Variants in GFPT1 observed in about 807,000 individuals in gnomAD.
GFPT1 encodes glutamine--fructose-6-phosphate transaminase 1.
In GFPT1, 40 loss-of-function variants were observed where a neutral mutation model predicts 92.0. The ratio of observed to expected loss-of-function variants is 0.43; its 90% CI spans 0.34 to 0.57. The LOEUF is 0.57. Ranked by LOEUF, GFPT1 falls within the 20% of genes least tolerant of loss-of-function variation. The pLI, the probability that GFPT1 is intolerant of heterozygous loss-of-function variation, is 0.02. For synonymous variants in GFPT1, 269 were observed against 280.6 expected, an observed-to-expected ratio of 0.96 and a Z score of 0.41; for missense variants, 448 against 869.1, an observed-to-expected ratio of 0.52 and a Z score of 6.09.
chr2:69,335,189 T>C (rs1255233771), intron 15 of GFPT1, among the ~76,000 whole-genome samples: 2 of 152,044 alleles, frequency 1.3e-5, no homozygotes, highest in Non-Finnish European at 2.9e-5. Context: ...GTATTTTTTA[T>C]AGAGATAAGG....
At chr2:69,378,302 G>A (rs1671928477) in intron 1 of GFPT1, among the ~76,000 whole-genome samples, 1 of 152,092 alleles carries the variant, frequency 6.6e-6, no homozygotes, top group Non-Finnish European at 1.5e-5. Flanking sequence ...CACTGCACCC[G>A]GCCTAAACTC....
chr2:69,326,563 C>G (rs981361381), intron 19 of GFPT1, among the ~76,000 whole-genome samples: 14 of 152,192 alleles, frequency 9.2e-5, no homozygotes, highest in African/African-American at 3.4e-4. Context: ...GCTGAGAAAC[C>G]AGGAATGCTA....
chr2:69,329,315 A>C lies in GFPT1; in HGVS notation c.1707T>G (p.Thr569=), dbSNP rs762692056. 6.2e-7 allele frequency: 1 copy of C among 1,613,866 alleles called. No individual in the cohort carries two copies. Among genetic ancestry groups the C allele is most frequent in the Non-Finnish European group, 8.5e-7 (1 of 1,179,752 alleles). ...LIMGRGYHYA[T]CLEGALKIKE... is the part of the protein sequence containing the mutation. The stretch of plus-strand genomic sequence containing the variant: ...AACTTACCAGTGCCCCTTCAAGACA[A>C]GTAGCATAATGATAGCCTCGTCCCA... Residue 569 remains threonine (T), a synonymous_variant, in exon 17 of 20, where the codon ACT becomes ACG. Coordinates refer to ENST00000357308, the MANE Select transcript of GFPT1 (RefSeq NM_001244710.2).
chr2:69,368,117 C>T (rs1461172124), intron 3 of GFPT1, among the ~76,000 whole-genome samples: 1 of 152,190 alleles, frequency 6.6e-6, no homozygotes, highest in Non-Finnish European at 1.5e-5. Flanking sequence ...GGTGTGGTGG[C>T]TCACGCCTGC....
rs192750090 is a variant in GFPT1, at chr2:69,348,960, C to T, written c.846-626G>A. 2.6e-5 allele frequency among the ~76,000 whole-genome samples: 4 copies of T among 152,272 alleles called. No individual in the cohort carries two copies. The East Asian group carries it at 7.7e-4, about 29-fold the overall frequency. ...TATTCTGGCCACACTCAAAGCCATC[C>T]TAAACTCTCACAGGCTGAGCCATTT... On this transcript the variant is annotated intron_variant, in intron 10 of 19. Coordinates refer to ENST00000357308, the MANE Select transcript of GFPT1 (RefSeq NM_001244710.2).
chr2:69,356,863 G>A (rs1019990083), intron 6 of GFPT1, among the ~76,000 whole-genome samples: 15 of 151,706 alleles, frequency 9.9e-5, no homozygotes, highest in Non-Finnish European at 2.1e-4. Flanking sequence ...TCAGCCTCCC[G>A]AGTAGCTGGG....
At chr2:69,338,191 AT>A (rs1670848452) in intron 14 of GFPT1, 136 bp from the exon 15 acceptor site, 2 of 875,906 alleles carry the variant, frequency 2.3e-6, no homozygotes, top group Admixed American at 3.8e-5. Context: ...CACTTAATAA[AT>A]TTATAAAACT....
rs770681885 is a variant in GFPT1 at position 69,327,873 on chromosome 2, C to CAGGT, written c.1893+394_1893+397dup. ...ATCCCAGAACTTTGGGGGGTTGAGG[C>CAGGT]AGGTGGATCACTTCAGGTCAGGAGT... is the stretch of plus-strand genomic sequence containing the variant. On this transcript the variant is annotated intron_variant, in intron 18 of 19. Coordinates refer to ENST00000357308, the MANE Select transcript of GFPT1 (RefSeq NM_001244710.2). Among the ~76,000 whole-genome samples the CAGGT allele has an allele frequency of 7.2e-5, 11 of 152,014 alleles. No homozygotes were observed. In the South Asian group the frequency reaches 2.3e-3, roughly 32 times the overall value.
chr2:69,356,955 T>C (rs1041252558), intron 6 of GFPT1, among the ~76,000 whole-genome samples: 1 of 152,128 alleles, frequency 6.6e-6, no homozygotes, highest in Non-Finnish European at 1.5e-5. Flanking sequence ...ATGGTCTCCA[T>C]CTCTTGACCT....
At position 69,321,101 on chromosome 2, in the gene GFPT1, A is replaced by C. The variant is rs1670393627; in HGVS notation, c.*5088T>G. ...GAGAGCCAGATATTACAGAAACTTT[A>C]GATTGTCTTGCTACTCACTGACCTT... is the stretch of plus-strand genomic sequence containing the variant. On this transcript the variant is annotated 3_prime_UTR_variant, in exon 20 of 20. Coordinates refer to ENST00000357308, the MANE Select transcript of GFPT1 (RefSeq NM_001244710.2). The C allele has an allele frequency of 6.6e-6, 1 of 152,280 alleles. No individual in the cohort carries two copies. The highest frequency in any genetic ancestry group is 6.5e-5 in the Admixed American group (1 of 15,294). 9.4% of individuals were successfully genotyped at this position (152,280 alleles called of 1,614,324 possible). A position where few individuals can be genotyped will look rare whatever the true frequency, so the allele number is the denominator to read the frequency against.
At chr2:69,330,160 G>A (rs1460751702) in intron 15 of GFPT1, among the ~76,000 whole-genome samples, 3 of 152,148 alleles carry the variant, frequency 2.0e-5, no homozygotes, top group Admixed American at 6.5e-5. Flanking sequence ...AACCAGGATC[G>A]CACCACAGCA....
At chr2:69,339,299 C>G (rs1025436792) in intron 13 of GFPT1, among the ~76,000 whole-genome samples, 1 of 152,064 alleles carries the variant, frequency 6.6e-6, no homozygotes, top group South Asian at 2.1e-4. Context: ...AAAAGTACAA[C>G]GTATTCATAA....
intron 3 of GFPT1, among the ~76,000 whole-genome samples, chr2:69,365,569 A>C (rs766101166): frequency 1.3e-5 from 2 of 152,206 alleles, no homozygotes; most frequent in Non-Finnish European, 2.9e-5. Flanking sequence ...CCAGAATTTG[A>C]GTTCTACAAA....
intron 1 of GFPT1, among the ~76,000 whole-genome samples, chr2:69,385,963 TAAAAGGCTGCA>T (rs1417636950): frequency 6.7e-6 from 1 of 150,346 alleles, no homozygotes; most frequent in East Asian, 1.9e-4. Context: ...TTCCTTCGTG[TAAAAGGCTGCA>T]AATAAGAAGT....
chr2:69,382,524 C>T (rs1180690624), intron 1 of GFPT1, among the ~76,000 whole-genome samples: 1 of 152,174 alleles, frequency 6.6e-6, no homozygotes, highest in African/African-American at 2.4e-5. Context: ...ATAATTTCTT[C>T]ATAACCATAT....
chr2:69,337,254 C>T (rs910205753), intron 15 of GFPT1, among the ~76,000 whole-genome samples: 3 of 151,392 alleles, frequency 2.0e-5, no homozygotes, highest in Middle Eastern at 3.2e-3. Context: ...TTAGTAGAGA[C>T]GGGATTCACC....
intron 1 of GFPT1, among the ~76,000 whole-genome samples, chr2:69,385,991 G>A (rs1236799561): frequency 6.8e-6 from 1 of 146,126 alleles, no homozygotes; most frequent in Non-Finnish European, 1.5e-5. Context: ...AAGTCTCCCA[G>A]AGAGTTTTCA....
At chr2:69,358,616 G>A (rs1411239218) in intron 5 of GFPT1, among the ~76,000 whole-genome samples, 153 bp from the exon 6 acceptor site, 3 of 152,196 alleles carry the variant, frequency 2.0e-5, no homozygotes, top group African/African-American at 7.2e-5. Context: ...CAGCTGATCA[G>A]TGACTCTAAA....
chr2:69,354,329 G>GA lies in GFPT1; in HGVS notation c.686-18dup, dbSNP rs762696806. 7.0e-6 allele frequency: 11 copies of GA among 1,580,720 alleles called. No individual in the cohort carries two copies. The highest frequency in any genetic ancestry group is 2.7e-5 in the African/African-American group (2 of 74,546). On this transcript the variant is annotated splice_polypyrimidine_tract_variant and intron_variant, in intron 8 of 19. Coordinates refer to ENST00000357308, the MANE Select transcript of GFPT1 (RefSeq NM_001244710.2). ...GAGTCCTAGCTAAGGATACACAACA[G>GA]AAAAAAATTCTAATCATCAGAGAAC...
Sources: allele counts gnomAD v4.1 joint callset (sites outside exome capture counted in the v4.1 genomes callset), GRCh38; gene constraint gnomAD v4.1.1; transcripts MANE v1.5; gene names NCBI Gene and HGNC (gene_info 2026-07-23, HGNC 2026-07-21).